NHSL1: variants seen among roughly 807,000 people sequenced by gnomAD.
NHSL1 encodes the protein NHS-like protein 1.
In NHSL1, 48 loss-of-function variants were observed where a neutral mutation model predicts 95.0. The ratio of observed to expected loss-of-function variants is 0.51; its 90% CI spans 0.40 to 0.64. The LOEUF (loss-of-function observed/expected upper bound fraction) is 0.64. Ranked by LOEUF, NHSL1 falls within the 30% of genes least tolerant of loss-of-function variation. The pLI is 0.00. For synonymous variants in NHSL1, 783 were observed against 833.9 expected, an observed-to-expected ratio of 0.94 and a Z score of 1.05; for missense variants, 1,971 against 2,077.7, an observed-to-expected ratio of 0.95 and a Z score of 1.00.
At chr6:138,472,124 G>T (rs1363628661) in intron 3 of NHSL1, among the ~76,000 whole-genome samples, 3 of 148,820 alleles carry the variant, frequency 2.0e-5, no homozygotes, top group Non-Finnish European at 3.0e-5. Flanking sequence ...GGAGTTTGCA[G>T]TGAGCCAAGA....
chr6:138,638,945 G>A (rs1199665693), intron 1 of NHSL1, among the ~76,000 whole-genome samples: 1 of 152,222 alleles, frequency 6.6e-6, no homozygotes, highest in Admixed American at 6.5e-5. Flanking sequence ...ACTGCCTTTG[G>A]ATGGGGATAA....
At chr6:138,427,285 C>T (rs1025886279) in intron 7 of NHSL1, among the ~76,000 whole-genome samples, 8 of 152,180 alleles carry the variant, frequency 5.3e-5, no homozygotes, top group South Asian at 2.1e-4. Flanking sequence ...ACTACAAATA[C>T]GAAAATTAGC....
intron 2 of NHSL1, among the ~76,000 whole-genome samples, chr6:138,479,994 C>A (rs189388469): frequency 1.4e-3 from 219 of 151,992 alleles, no homozygotes; most frequent in Middle Eastern, 6.8e-3. Context: ...AAATTGAATG[C>A]GAAGTGGAAT....
chr6:138,610,539 T>TAAAA (rs1390403525), intron 1 of NHSL1, among the ~76,000 whole-genome samples: 3 of 114,596 alleles, frequency 2.6e-5, no homozygotes, highest in African/African-American at 1.4e-4. Context: ...AAAAGTATAA[T>TAAAA]AATAAAAAAA....
chr6:138,490,774 C>T (rs1780027503), intron 2 of NHSL1, among the ~76,000 whole-genome samples: 1 of 152,162 alleles, frequency 6.6e-6, no homozygotes, highest in African/African-American at 2.4e-5. Context: ...GCTGGGACTA[C>T]AGGCATGCGC....
chr6:138,660,490 C>T (rs1785212239), intron 1 of NHSL1, among the ~76,000 whole-genome samples: 1 of 151,940 alleles, frequency 6.6e-6, no homozygotes, highest in Non-Finnish European at 1.5e-5. Flanking sequence ...TCCCCTATAC[C>T]TCCTTAATTT....
chr6:138,585,821 AGGACTGCTTGAG>A (rs1562383333), intron 1 of NHSL1, among the ~76,000 whole-genome samples: 1 of 151,764 alleles, frequency 6.6e-6, no homozygotes, highest in African/African-American at 2.4e-5. Context: ...CTGAGGTGGG[AGGACTGCTTGAG>A]GCCAGAAGCT....
chr6:138,606,113 C>T (rs1457622962), intron 1 of NHSL1, among the ~76,000 whole-genome samples: 1 of 152,200 alleles, frequency 6.6e-6, no homozygotes, highest in Non-Finnish European at 1.5e-5. Flanking sequence ...TTCCTGCATT[C>T]TCACAGCCCC....
intron 3 of NHSL1, among the ~76,000 whole-genome samples, chr6:138,460,215 C>T (rs946779880): frequency 3.1e-4 from 47 of 152,170 alleles, no homozygotes; most frequent in African/African-American, 9.9e-4. Flanking sequence ...TTGATGTAAA[C>T]GTTTGATAAG....
At chr6:138,558,421 CTTTTTTTTTT>C (rs78914887) in intron 1 of NHSL1, among the ~76,000 whole-genome samples, 1 of 121,960 alleles carries the variant, frequency 8.2e-6, no homozygotes, top group African/African-American at 3.1e-5. Context: ...TGTGCCCACC[CTTTTTTTTTT>C]TTTTTTCCCT....
intron 1 of NHSL1, among the ~76,000 whole-genome samples, chr6:138,508,318 A>ATGTT (rs1781062828): frequency 2.0e-5 from 3 of 152,328 alleles, no homozygotes; most frequent in Admixed American, 2.0e-4. Flanking sequence ...CTGTCCTGAG[A>ATGTT]TGTTAGAAAT....
intron 3 of NHSL1, among the ~76,000 whole-genome samples, chr6:138,466,489 A>G (rs954309054): frequency 6.6e-6 from 1 of 152,234 alleles, no homozygotes; most frequent in African/African-American, 2.4e-5. Flanking sequence ...CTCTATGCTG[A>G]GTAAGGCCTA....
intron 1 of NHSL1, among the ~76,000 whole-genome samples, chr6:138,518,877 G>A (rs1211939345): frequency 1.3e-5 from 2 of 152,134 alleles, no homozygotes; most frequent in Non-Finnish European, 2.9e-5. Flanking sequence ...AATTAGCTGG[G>A]TGTGGTGGTG....
rs532075620 is a variant in NHSL1, at chr6:138,565,149, C to T, written c.202+6561G>A. On this transcript the variant is annotated intron_variant, in intron 1 of 6. Coordinates refer to the NHSL1 transcript ENST00000427025. Reference sequence around the variant, plus strand: ...TGAGACAGAGTCTTGCTCTGTCACCCAGGCTGGAGTGAAGTGGTGAGATCT... The same window carrying T: ...TGAGACAGAGTCTTGCTCTGTCACCTAGGCTGGAGTGAAGTGGTGAGATCT... 2.0e-4 allele frequency among the ~76,000 whole-genome samples: 30 copies of T among 152,300 alleles called. No homozygotes were observed. In the East Asian group the frequency reaches 4.8e-3, roughly 24 times the overall value.
intron 1 of NHSL1, among the ~76,000 whole-genome samples, chr6:138,539,388 G>A (rs76878442): frequency 0.029 from 4,462 of 152,164 alleles, 80 homozygotes; most frequent in South Asian, 0.051. Context: ...ATCTGTACCT[G>A]GTTAATGGTG....
intron 1 of NHSL1, among the ~76,000 whole-genome samples, chr6:138,669,644 C>G (rs1338809806): frequency 6.6e-6 from 1 of 152,168 alleles, no homozygotes; most frequent in Non-Finnish European, 1.5e-5. Context: ...TCTGAGAATA[C>G]AAAGCACAGT....
chr6:138,430,258 C>G lies in NHSL1; in HGVS notation c.3952+135G>C. The G allele has an allele frequency of 8.0e-7, 1 of 1,252,696 alleles. No homozygotes were observed. Among genetic ancestry groups the G allele is most frequent in the Non-Finnish European group, 1.1e-6 (1 of 950,838 alleles). The allele number at this position is 1,252,696 out of a possible 1,614,324, so 77.6% of individuals were successfully genotyped here. A position where few individuals can be genotyped will look rare whatever the true frequency, so the allele number is the denominator to read the frequency against. Reference sequence around the variant, plus strand: ...TTAATCTGTGTTTTAACACAGGAAGCCTACATACTGCTAGCTTTAACAGGA... The same window carrying G: ...TTAATCTGTGTTTTAACACAGGAAGGCTACATACTGCTAGCTTTAACAGGA... On this transcript the variant is annotated intron_variant, in intron 6 of 7. Coordinates refer to ENST00000343505, the MANE Select transcript of NHSL1 (RefSeq NM_001144060.2). The surrounding 1 kb of genome is among the most constrained non-coding windows in gnomAD (Gnocchi z 4.7).
intron 1 of NHSL1, among the ~76,000 whole-genome samples, chr6:138,637,614 G>T (rs1784904149): frequency 1.3e-5 from 2 of 152,122 alleles, no homozygotes; most frequent in Admixed American, 1.3e-4. Context: ...ATGGCTAACA[G>T]GCATATGAAA....
At chr6:138,632,689 C>T in intron 1 of NHSL1, among the ~76,000 whole-genome samples, 1 of 152,156 alleles carries the variant, frequency 6.6e-6, no homozygotes, top group Non-Finnish European at 1.5e-5. Context: ...TCACAGCTTA[C>T]AGCACAACAC....
Sources: gnomAD v4.1 joint callset for allele counts (sites outside exome capture counted in the v4.1 genomes callset) on GRCh38, gnomAD v4.1.1 for gene constraint, Gnocchi (gnomAD v3.1) non-coding constraint, MANE v1.5 for transcripts, NCBI Gene and HGNC (gene_info 2026-07-23, HGNC 2026-07-21) for gene names.